ANXA7: variants seen among roughly 807,000 people sequenced by gnomAD.
ANXA7 encodes the protein annexin A7.
Under a neutral mutation model 64.9 loss-of-function variants are expected in ANXA7, and 55 were observed. That is an observed-to-expected ratio of 0.85 (90% confidence interval 0.68 to 1.06). The LOEUF is 1.06. Ranked by LOEUF, ANXA7 falls within the 50% of genes least tolerant of loss-of-function variation. The pLI, the probability that ANXA7 is intolerant of heterozygous loss-of-function variation, is 0.00. For missense variants in ANXA7, 548 were observed against 582.1 expected (o/e 0.94, Z 0.60); for synonymous variants, 200 against 192.4 (o/e 1.04, Z -0.33).
chr10:73,383,161 C>CAT lies in ANXA7; in HGVS notation c.918+12_918+13dup. 6.3e-7 allele frequency: 1 copy of CAT among 1,594,540 alleles called. No individual in the cohort carries two copies. The highest frequency in any genetic ancestry group is 8.6e-7 in the Non-Finnish European group (1 of 1,168,430). On this transcript the variant is annotated intron_variant, in intron 9 of 12. Transcript: ENST00000372921. Reference sequence around the variant, plus strand: ...TTCCCTCTATCAACGCACAAGCATTCATACTATACTCACCTGGCACATGGA... The same window carrying CAT: ...TTCCCTCTATCAACGCACAAGCATTCATATACTATACTCACCTGGCACATGGA...
At chr10:73,380,003 G>A in intron 10 of ANXA7, 28 bp downstream of exon 10, 1 of 1,611,876 alleles carries the variant, frequency 6.2e-7, no homozygotes, top group Non-Finnish European at 8.5e-7. Flanking sequence ...TACAGCAGAA[G>A]CCAAATCTTC....
At chr10:73,377,270 G>T (rs960794754) in intron 12 of ANXA7, among the ~76,000 whole-genome samples, 13 of 151,926 alleles carry the variant, frequency 8.6e-5, no homozygotes, top group Admixed American at 1.3e-4. Context: ...ACCTTCTTTA[G>T]TATAATTTAG....
chr10:73,407,771 T>C (rs892946193), intron 1 of ANXA7, among the ~76,000 whole-genome samples: 8 of 152,114 alleles, frequency 5.3e-5, no homozygotes, highest in Non-Finnish European at 1.2e-4. Context: ...TAATATAGTG[T>C]CCCTTATGAC....
intron 9 of ANXA7, among the ~76,000 whole-genome samples, chr10:73,382,172 C>A (rs1436048323): frequency 1.3e-5 from 2 of 152,178 alleles, no homozygotes; most frequent in Non-Finnish European, 2.9e-5. Context: ...CCACACCCAG[C>A]CCCTCCCTTG....
Position 73,387,676 on chromosome 10 carries a change from A to G in ANXA7, c.633+13T>C. On this transcript the variant is annotated intron_variant, in intron 7 of 12. Coordinates refer to ENST00000372921, the MANE Select transcript of ANXA7 (RefSeq NM_001156.5). ...GCCACTGCTGGTGCTCATTCCAGGA[A>G]AGAAAAACATACCTTGCCATAGGAG... is the stretch of plus-strand genomic sequence containing the variant. 1 of 1,606,400 alleles carries G rather than the reference A, an allele frequency of 6.2e-7. No homozygotes were observed.
Position 73,375,606 on chromosome 10 carries a change from C to T in ANXA7, c.*489G>A, listed in dbSNP as rs1290714357. ...TCTATGTGGAAAGTGTTTATGAATA[C>T]AGAACCAATTTAGGCAAAATGAGAT... is the stretch of plus-strand genomic sequence containing the variant. On this transcript the variant is annotated 3_prime_UTR_variant, in exon 13 of 13. Transcript: ENST00000372921. 1 of 152,086 alleles carries T rather than the reference C, an allele frequency of 6.6e-6. No individual in the cohort carries two copies. The highest frequency in any genetic ancestry group is 1.5e-5 in the Non-Finnish European group (1 of 68,024). The allele number at this position is 152,086 out of a possible 1,614,324, so 9.4% of individuals were successfully genotyped here.
At chr10:73,379,104 C>G (rs895145823) in intron 11 of ANXA7, 81 bp from the exon 12 acceptor site, 13 of 917,086 alleles carry the variant, frequency 1.4e-5, no homozygotes, top group African/African-American at 1.4e-4. Context: ...TCACTTATAG[C>G]CTGCCTTTGA....
intron 9 of ANXA7, 86 bp downstream of exon 9, chr10:73,383,089 T>C: frequency 7.8e-7 from 1 of 1,277,938 alleles, no homozygotes; most frequent in Non-Finnish European, 1.1e-6. Flanking sequence ...TGGCTAAATA[T>C]TAAAAGGAAT....
Position 73,398,386 on chromosome 10 carries a change from C to T in ANXA7, c.55-1G>A, listed in dbSNP as rs2055610596. ...GAAAAGATGACTCCTGACCTGCAGG[C>T]TGAAAAATCAGAATAATTTTTAAAC... is the stretch of plus-strand genomic sequence containing the variant. On this transcript the variant is annotated splice_acceptor_variant, in intron 2 of 12. Coordinates refer to ENST00000372921, the MANE Select transcript of ANXA7 (RefSeq NM_001156.5). LOFTEE classifies it high-confidence loss of function. 6.2e-7 allele frequency: 1 copy of T among 1,606,784 alleles called. No individual in the cohort carries two copies. The highest frequency in any genetic ancestry group is 1.3e-5 in the African/African-American group (1 of 74,738).
chr10:73,400,265 G>C lies in ANXA7; in HGVS notation c.54+538C>G, dbSNP rs1383221860. Among the ~76,000 whole-genome samples the C allele has an allele frequency of 2.0e-5, 3 of 152,018 alleles. No homozygotes were observed. In the South Asian group the frequency reaches 6.2e-4, roughly 32 times the overall value. The stretch of plus-strand genomic sequence containing the variant: ...GAACTTAGTAGCACATTTATAAAAC[G>C]TACTCCAAGTCTAAGAACTACAAAT... On this transcript the variant is annotated intron_variant, in intron 2 of 12. Coordinates refer to ENST00000372921, the MANE Select transcript of ANXA7 (RefSeq NM_001156.5).
chr10:73,395,644 G>A (rs1000500686), intron 5 of ANXA7, among the ~76,000 whole-genome samples: 10 of 152,080 alleles, frequency 6.6e-5, no homozygotes, highest in African/African-American at 2.2e-4. Context: ...AAATGTGACA[G>A]GTGTAGTGGC....
chr10:73,392,097 T>C (rs1055375678), intron 5 of ANXA7, among the ~76,000 whole-genome samples: 1 of 151,802 alleles, frequency 6.6e-6, no homozygotes, highest in African/African-American at 2.4e-5. Context: ...CTAGAAAATC[T>C]AGAAGAGATG....
At chr10:73,384,866 T>G (rs1200879141) in intron 7 of ANXA7, among the ~76,000 whole-genome samples, 1 of 151,824 alleles carries the variant, frequency 6.6e-6, no homozygotes, top group Admixed American at 6.6e-5. Flanking sequence ...AAAATTAGCA[T>G]GCAAAGACGA....
At chr10:73,389,548 G>T (rs1447481215) in intron 5 of ANXA7, among the ~76,000 whole-genome samples, 2 of 152,180 alleles carry the variant, frequency 1.3e-5, no homozygotes, top group Non-Finnish European at 2.9e-5. Context: ...GTACTATTTT[G>T]CAAGTCTAAA....
intron 5 of ANXA7, among the ~76,000 whole-genome samples, chr10:73,388,813 CAT>C (rs1459558490): frequency 6.6e-6 from 1 of 152,202 alleles, no homozygotes; most frequent in African/African-American, 2.4e-5. Context: ...TGAAGTAGCA[CAT>C]GAATGCCCAG....
intron 1 of ANXA7, among the ~76,000 whole-genome samples, chr10:73,407,248 T>C (rs2055772235): frequency 6.6e-6 from 1 of 152,068 alleles, no homozygotes; most frequent in Non-Finnish European, 1.5e-5. Context: ...GCTTAATTTT[T>C]GCATTTTTAA....
chr10:73,412,537 C>T (rs982841406), intron 1 of ANXA7, among the ~76,000 whole-genome samples: 1 of 150,996 alleles, frequency 6.6e-6, no homozygotes, highest in African/African-American at 2.4e-5. Context: ...TCTCTGCCGC[C>T]CAGGCTGGAG....
At chr10:73,404,708 CTATATATA>C (rs59482006) in intron 1 of ANXA7, among the ~76,000 whole-genome samples, 3 of 143,818 alleles carry the variant, frequency 2.1e-5, no homozygotes, top group Admixed American at 7.0e-5. Flanking sequence ...ACAAATATCC[CTATATATA>C]TATATATATA....
chr10:73,406,491 A>C (rs1488031380), intron 1 of ANXA7, among the ~76,000 whole-genome samples: 3 of 152,186 alleles, frequency 2.0e-5, no homozygotes, highest in Non-Finnish European at 2.9e-5. Context: ...AAAAATCATC[A>C]ATGACTACTG....
Sources: allele counts gnomAD v4.1 joint callset (sites outside exome capture counted in the v4.1 genomes callset), GRCh38; gene constraint gnomAD v4.1.1; transcripts MANE v1.5; gene names NCBI Gene and HGNC (gene_info 2026-07-23, HGNC 2026-07-21).